Variants in KLB observed in about 807,000 individuals in gnomAD.
KLB encodes the protein beta-klotho.
Under a neutral mutation model 88.4 loss-of-function variants are expected in KLB, and 44 were observed. The observed-to-expected ratio is 0.50, with a 90% CI of 0.39 to 0.64. The LOEUF (loss-of-function observed/expected upper bound fraction) is 0.64. Ranked by LOEUF, KLB falls within the 30% of genes least tolerant of loss-of-function variation. KLB has a pLI of 0.00. For synonymous variants in KLB, 548 were observed against 513.4 expected, an observed-to-expected ratio of 1.07 and a Z score of -0.91; for missense variants, 1,137 against 1,304.8, an observed-to-expected ratio of 0.87 and a Z score of 1.98.
rs886176929 is a variant in KLB, at chr4:39,437,955, C to T, written c.1565C>T (p.Pro522Leu). 17 of 1,613,998 alleles carry T rather than the reference C, an allele frequency of 1.1e-5. No individual in the cohort carries two copies. Among genetic ancestry groups the T allele is most frequent in the Middle Eastern group, 1.6e-4 (1 of 6,084 alleles). Residue 522 changes from proline (P) to leucine (L), a missense_variant, in exon 3 of 5, where the codon CCC becomes CTC. Transcript: ENST00000257408. The stretch of plus-strand genomic sequence containing the variant: ...ACGCCAGATGTGCAGGGCCAGTTTC[C>T]CTGTGACTTCTCCTGGGGTGTCACT... ...ESTPDVQGQF[P>L]CDFSWGVTES...
In KLB at chr4:39,407,444, A is replaced by T; in HGVS notation, c.495A>T (p.Thr165=). The T allele has an allele frequency of 6.2e-7, 1 of 1,614,216 alleles. No individual in the cohort carries two copies. ...WPRLFPDGIV[T]VANAKGLQYY... is the part of the protein sequence containing the mutation. Reference sequence around the variant, plus strand: ...GGCTTTTCCCCGATGGAATAGTAACAGTTGCCAACGCAAAAGGTCTGCAGT... The same window carrying T: ...GGCTTTTCCCCGATGGAATAGTAACTGTTGCCAACGCAAAAGGTCTGCAGT... The change falls in exon 1 of 5, where the codon ACA becomes ACT. Residue 165 remains threonine, a synonymous_variant. Coordinates refer to ENST00000257408, the MANE Select transcript of KLB (RefSeq NM_175737.4).
chr4:39,447,856 G>A (rs1578217370), intron 4 of KLB, among the ~76,000 whole-genome samples: 1 of 152,208 alleles, frequency 6.6e-6, no homozygotes, highest in African/African-American at 2.4e-5. Flanking sequence ...ATACAAGCAT[G>A]CAATGTGAAA....
At chr4:39,430,674 C>T (rs1743337560) in intron 1 of KLB, among the ~76,000 whole-genome samples, 1 of 146,756 alleles carries the variant, frequency 6.8e-6, no homozygotes, top group African/African-American at 2.5e-5. Context: ...AATCTAGGCT[C>T]GCTGCAACCT....
At chr4:39,423,271 C>G (rs1173589045) in intron 1 of KLB, among the ~76,000 whole-genome samples, 1 of 130,900 alleles carries the variant, frequency 7.6e-6, no homozygotes. Flanking sequence ...GGCACTTGGA[C>G]AACTAATGGT....
intron 3 of KLB, among the ~76,000 whole-genome samples, chr4:39,442,986 T>C (rs1051735374): frequency 6.6e-6 from 1 of 152,172 alleles, no homozygotes; most frequent in Non-Finnish European, 1.5e-5. Flanking sequence ...TCATGTATTG[T>C]TAGCTTCCTT....
chr4:39,441,433 T>A (rs1333950140), intron 3 of KLB, among the ~76,000 whole-genome samples: 1 of 152,176 alleles, frequency 6.6e-6, no homozygotes, highest in Non-Finnish European at 1.5e-5. Flanking sequence ...ATATAAGAGT[T>A]TCTTTGCCTG....
chr4:39,445,658 C>A (rs572445928), intron 3 of KLB, among the ~76,000 whole-genome samples: 1 of 150,126 alleles, frequency 6.7e-6, no homozygotes. Flanking sequence ...GCATGCGCCT[C>A]CACGCCTGGC....
rs773211736 is a variant in KLB, at chr4:39,437,988, T to C, written c.1598T>C (p.Val533Ala). Residue 533 changes from valine to alanine, a missense_variant, in exon 3 of 5, where the codon GTT becomes GCT. Val to Ala is a moderately conservative substitution (Grantham distance 64). This residue lies in a region of KLB where 597 missense variants were observed against 765.2 expected (regional missense o/e 0.78). Transcript: ENST00000257408. ...TTCTCCTGGGGTGTCACTGAATCTGTTCTTAAGGTAAGTGGTTACTTCCAA... is the reference window on the plus strand; with the variant it reads ...TTCTCCTGGGGTGTCACTGAATCTGCTCTTAAGGTAAGTGGTTACTTCCAA... ...CDFSWGVTES[V>A]LKPESVASSP... is the part of the protein sequence containing the mutation. 6.2e-7 allele frequency: 1 copy of C among 1,612,036 alleles called. No individual in the cohort carries two copies. Among genetic ancestry groups the C allele is most frequent in the African/African-American group, 1.3e-5 (1 of 74,910 alleles).
intron 1 of KLB, among the ~76,000 whole-genome samples, chr4:39,424,245 A>G (rs1012629212): frequency 6.6e-6 from 1 of 151,444 alleles, no homozygotes; most frequent in Non-Finnish European, 1.5e-5. Context: ...TAATTTTTGT[A>G]TTTTTTGTAG....
At position 39,446,513 on chromosome 4, in the gene KLB, A is replaced by G; in HGVS notation, c.1787A>G (p.His596Arg). The G allele has an allele frequency of 2.5e-6, 4 of 1,614,214 alleles. 1 individual carries two copies. The South Asian group carries it at 3.3e-5, about 13-fold the overall frequency. Reference sequence around the variant, plus strand: ...ATGTTGGCAAGAATGAAAGTCACCCACTACCGGTTTGCTCTGGATTGGGCC... The same window carrying G: ...ATGTTGGCAAGAATGAAAGTCACCCGCTACCGGTTTGCTCTGGATTGGGCC... ...LEMLARMKVT[H>R]YRFALDWASV... The change falls in exon 4 of 5, where the codon CAC becomes CGC. Residue 596 changes from histidine (H) to arginine (R), a missense_variant. Transcript: ENST00000257408. This position sits in a 1 kb window ranked among gnomAD's most constrained non-coding sequence, Gnocchi z 6.4.
At position 39,407,414 on chromosome 4, in the gene KLB, G is replaced by T; in HGVS notation, c.465G>T (p.Trp155Cys). ...CTTTTTATCAATTTTCAATTTCCTG[G>T]CCAAGGCTTTTCCCCGATGGAATAG... is the stretch of plus-strand genomic sequence containing the variant. ...GVSFYQFSIS[W>C]PRLFPDGIVT... The change falls in exon 1 of 5, where the codon TGG (tryptophan) becomes TGT (cysteine). Residue 155 changes from tryptophan (W) to cysteine (C), a missense_variant. Trp to Cys is a radical substitution (Grantham distance 215). This residue lies in a region of KLB where 597 missense variants were observed against 765.2 expected (regional missense o/e 0.78). Transcript: ENST00000257408. The T allele has an allele frequency of 6.2e-7, 1 of 1,613,878 alleles. No individual in the cohort carries two copies. Among genetic ancestry groups the T allele is most frequent in the Non-Finnish European group, 8.5e-7 (1 of 1,179,938 alleles).
chr4:39,428,558 G>A (rs1212211055), intron 1 of KLB, among the ~76,000 whole-genome samples: 5 of 152,042 alleles, frequency 3.3e-5, no homozygotes, highest in African/African-American at 9.7e-5. Context: ...GACAGGAAAA[G>A]AGAAAGAACA....
intron 3 of KLB, 129 bp downstream of exon 3, chr4:39,438,124 G>A (rs79119738): frequency 0.032 from 26,831 of 850,054 alleles, 509 homozygotes; most frequent in Non-Finnish European, 0.04. Context: ...GGTTATGAAG[G>A]AGAGCTAGGG....
chr4:39,418,255 T>C (rs1187184343), intron 1 of KLB, among the ~76,000 whole-genome samples: 1 of 152,174 alleles, frequency 6.6e-6, no homozygotes, highest in Non-Finnish European at 1.5e-5. Flanking sequence ...TTTTTATTTT[T>C]TTTGAAGAGT....
chr4:39,445,502 TTC>T (rs1491309602), intron 3 of KLB, among the ~76,000 whole-genome samples: 3 of 133,522 alleles, frequency 2.2e-5, no homozygotes, highest in Admixed American at 1.6e-4. Context: ...AACTTTTCTT[TTC>T]TTTTTTTTTT....
At chr4:39,422,454 C>G (rs1743110719) in intron 1 of KLB, among the ~76,000 whole-genome samples, 1 of 152,152 alleles carries the variant, frequency 6.6e-6, no homozygotes, top group Non-Finnish European at 1.5e-5. Context: ...CCTAACCTCT[C>G]CACCCCCTGG....
intron 1 of KLB, among the ~76,000 whole-genome samples, chr4:39,418,944 T>TAAAAAAAA (rs35661811): frequency 8.6e-6 from 1 of 116,894 alleles, no homozygotes; most frequent in Admixed American, 8.9e-5. Context: ...ATGCCATCTC[T>TAAAAAAAA]AAAAAAAAAA....
In KLB at chr4:39,447,376, G is replaced by A. The variant is rs374937163; in HGVS notation, c.2650G>A (p.Asp884Asn). The A allele has an allele frequency of 3.1e-6, 5 of 1,613,772 alleles. No individual in the cohort carries two copies. The highest frequency in any genetic ancestry group is 3.4e-6 in the Non-Finnish European group (4 of 1,179,956). ...GGTCCGGAGGAACTACGGCGACATG[G>A]ACATTTACATCACCGCCAGTGGCAT... is the stretch of plus-strand genomic sequence containing the variant. Reference protein sequence around the residue: ...RWVRRNYGDMDIYITASGIDD... With the variant: ...RWVRRNYGDMNIYITASGIDD... The change falls in exon 4 of 5, where the codon GAC (aspartate) becomes AAC (asparagine). Residue 884 changes from aspartate (D) to asparagine (N), a missense_variant. Around this residue, in one of 4 missense-constraint regions of KLB, gnomAD observed 426 missense variants for 404.6 expected, o/e 1.05. Coordinates refer to ENST00000257408, the MANE Select transcript of KLB (RefSeq NM_175737.4).
rs376406777 is a variant in KLB at position 39,421,396 on chromosome 4, C to T, written c.826-12814C>T. On this transcript the variant is annotated intron_variant, in intron 1 of 4. Coordinates refer to ENST00000257408, the MANE Select transcript of KLB (RefSeq NM_175737.4). ...ACGTAAGGTAATGCTGATGAATTCT[C>T]CATTTGATTGGGTTCTGAGGGGCAC... 3.3e-5 allele frequency among the ~76,000 whole-genome samples: 5 copies of T among 152,128 alleles called. No individual in the cohort carries two copies. The South Asian group carries it at 6.2e-4, about 19-fold the overall frequency.
Sources: allele counts gnomAD v4.1 joint callset (sites outside exome capture counted in the v4.1 genomes callset), GRCh38; gene constraint gnomAD v4.1.1; regional missense constraint gnomAD v4.1.1; non-coding constraint Gnocchi (gnomAD v3.1); transcripts MANE v1.5; gene names NCBI Gene and HGNC (gene_info 2026-07-23, HGNC 2026-07-21).